SEPTIN2: variants seen among roughly 807,000 people sequenced by gnomAD.
SEPTIN2 encodes septin-2.
In SEPTIN2, 34 loss-of-function variants were observed where a neutral mutation model predicts 46.5. The observed-to-expected ratio is 0.73, with a 90% CI of 0.56 to 0.97. SEPTIN2 has a LOEUF of 0.97. SEPTIN2 is among the 50% of genes least tolerant of loss of function. SEPTIN2 has a pLI of 0.00. For missense variants in SEPTIN2, 347 were observed against 448.4 expected, an observed-to-expected ratio of 0.77 and a Z score of 2.04; for synonymous variants, 175 against 153.4, an observed-to-expected ratio of 1.14 and a Z score of -1.04.
intron 1 of SEPTIN2, 44 bp downstream of exon 1, chr2:241,316,026 C>T (rs943069658): frequency 6.5e-6 from 1 of 153,576 alleles, no homozygotes; most frequent in Admixed American, 6.5e-5. Context: ...GTGGGCCGGC[C>T]CTCCCGAGGA....
chr2:241,333,935 C>T (rs1559626016), intron 3 of SEPTIN2, among the ~76,000 whole-genome samples: 3 of 151,794 alleles, frequency 2.0e-5, no homozygotes, highest in Non-Finnish European at 3.0e-5. Context: ...GCTGTAATCT[C>T]TAACTCCTGG....
At chr2:241,351,737 C>T (rs990127978) in intron 12 of SEPTIN2, 1 of 152,162 alleles carries the variant, frequency 6.6e-6, no homozygotes, top group African/African-American at 2.4e-5. Context: ...GAAAATTTTA[C>T]TTTTAGATCG....
chr2:241,335,885 C>T (rs997979109), intron 4 of SEPTIN2, 90 bp from the exon 5 acceptor site: 3 of 1,523,694 alleles, frequency 2.0e-6, no homozygotes. Context: ...TGTAGAGAGG[C>T]AGTAGACTCT....
intron 1 of SEPTIN2, among the ~76,000 whole-genome samples, chr2:241,320,634 C>A (rs1483201777): frequency 6.6e-6 from 1 of 152,078 alleles, no homozygotes; most frequent in African/African-American, 2.4e-5. Context: ...ACTAAAAATA[C>A]TAAAATTAGC....
At chr2:241,336,161 ATAGTGT>A (rs1419424659) in intron 5 of SEPTIN2, 63 bp downstream of exon 5, 5 of 1,504,106 alleles carry the variant, frequency 3.3e-6, no homozygotes, top group East Asian at 2.3e-5. Context: ...AAATTTATAG[ATAGTGT>A]TAATGAGTGA....
At position 241,336,109 on chromosome 2, in the gene SEPTIN2, C is replaced by G. The variant is rs771443480; in HGVS notation, c.341+11C>G. 4.3e-6 allele frequency: 7 copies of G among 1,612,822 alleles called. No individual in the cohort carries two copies. The highest frequency in any genetic ancestry group is 2.7e-5 in the African/African-American group (2 of 74,880). On this transcript the variant is annotated intron_variant, in intron 5 of 12. Coordinates refer to ENST00000391971, the MANE Select transcript of SEPTIN2 (RefSeq NM_004404.5). ...CAACTGCAGAGATTGGTATGCTCCCCCATGCCCAGGGATCTGCATTTGTTT... is the reference window on the plus strand; with the variant it reads ...CAACTGCAGAGATTGGTATGCTCCCGCATGCCCAGGGATCTGCATTTGTTT...
intron 1 of SEPTIN2, chr2:241,316,579 G>A: frequency 6.8e-7 from 1 of 1,479,912 alleles, no homozygotes; most frequent in Non-Finnish European, 9.0e-7. Context: ...GCAGGGGGTA[G>A]GGTATAGGGT....
intron 3 of SEPTIN2, among the ~76,000 whole-genome samples, chr2:241,329,034 A>C (rs2078512573): frequency 6.6e-6 from 1 of 152,114 alleles, no homozygotes; most frequent in Non-Finnish European, 1.5e-5. Flanking sequence ...CACACAAAAA[A>C]GGTAGAGATT....
At chr2:241,336,188 T>C in intron 5 of SEPTIN2, 90 bp downstream of exon 5, 1 of 1,311,834 alleles carries the variant, frequency 7.6e-7, no homozygotes, top group Non-Finnish European at 1.0e-6. Flanking sequence ...TTATTAAGTT[T>C]GGGATTGCTG....
At chr2:241,331,625 A>G (rs1033600228) in intron 3 of SEPTIN2, among the ~76,000 whole-genome samples, 2 of 152,252 alleles carry the variant, frequency 1.3e-5, no homozygotes, top group African/African-American at 4.8e-5. Context: ...TCCTAGCCTG[A>G]AGTGATCCAC....
chr2:241,340,003 G>GT (rs1559648554), intron 7 of SEPTIN2, among the ~76,000 whole-genome samples: 1 of 152,182 alleles, frequency 6.6e-6, no homozygotes, highest in Non-Finnish European at 1.5e-5. Context: ...ATGAACACTG[G>GT]TGTACATCTA....
At chr2:241,324,987 A>G (rs1486162503) in intron 2 of SEPTIN2, 3 of 151,866 alleles carry the variant, frequency 2.0e-5, no homozygotes, top group Non-Finnish European at 4.4e-5. Context: ...TTATCTTTGA[A>G]TCCTGTGGGT....
At chr2:241,329,274 G>GC (rs902977500) in intron 3 of SEPTIN2, among the ~76,000 whole-genome samples, 4 of 151,750 alleles carry the variant, frequency 2.6e-5, no homozygotes, top group African/African-American at 9.7e-5. Flanking sequence ...ACAGGCACCC[G>GC]CCACCACACC....
At chr2:241,339,000 A>G (rs1337679561) in intron 7 of SEPTIN2, among the ~76,000 whole-genome samples, 1 of 116,062 alleles carries the variant, frequency 8.6e-6, no homozygotes, top group Non-Finnish European at 1.7e-5. Flanking sequence ...ATAAATATAT[A>G]TAAATATTAT....
intron 3 of SEPTIN2, among the ~76,000 whole-genome samples, chr2:241,329,251 A>G (rs1035331626): frequency 6.6e-6 from 1 of 151,764 alleles, no homozygotes; most frequent in Non-Finnish European, 1.5e-5. Flanking sequence ...TCAGCCTCCA[A>G]GTAGCTAAGA....
intron 10 of SEPTIN2, among the ~76,000 whole-genome samples, chr2:241,347,319 A>G (rs1006454752): frequency 4.6e-5 from 7 of 152,204 alleles, no homozygotes; most frequent in African/African-American, 1.7e-4. Context: ...TTCTAGATAC[A>G]TATGTTGTAC....
At chr2:241,331,557 A>T (rs1296342904) in intron 3 of SEPTIN2, among the ~76,000 whole-genome samples, 2 of 152,076 alleles carry the variant, frequency 1.3e-5, no homozygotes, top group East Asian at 3.9e-4. Flanking sequence ...CGCCCATCTA[A>T]TTTTTGTATT....
chr2:241,333,073 A>G (rs117672889), intron 3 of SEPTIN2, among the ~76,000 whole-genome samples: 1 of 152,364 alleles, frequency 6.6e-6, no homozygotes, highest in East Asian at 1.9e-4. Context: ...AAAACTGTAC[A>G]GTTTAAATGG....
At chr2:241,346,299 T>C (rs199876566) in intron 10 of SEPTIN2, 50 bp downstream of exon 10, 7 of 1,438,972 alleles carry the variant, frequency 4.9e-6, no homozygotes, top group Middle Eastern at 1.8e-4. Flanking sequence ...TGAGCCACAA[T>C]GTTCCTCCTC....
Sources: allele counts gnomAD v4.1 joint callset (sites outside exome capture counted in the v4.1 genomes callset), GRCh38; gene constraint gnomAD v4.1.1; transcripts MANE v1.5; gene names NCBI Gene and HGNC (gene_info 2026-07-23, HGNC 2026-07-21).